The following ADK variants were observed in gnomAD, a reference collection of about 807,000 sequenced individuals.
ADK encodes the protein adenosine kinase.
Under a neutral mutation model 44.7 loss-of-function variants are expected in ADK, and 24 were observed. The ratio of observed to expected loss-of-function variants is 0.54; its 90% confidence interval spans 0.39 to 0.76. ADK has a LOEUF of 0.76. Ranked by LOEUF, ADK falls within the 30% of genes least tolerant of loss-of-function variation. The pLI is 0.00. For missense variants in ADK, 321 were observed against 425.1 expected (o/e 0.76, Z 2.15); for synonymous variants, 128 against 142.6 (o/e 0.90, Z 0.73).
chr10:74,521,071 T>C (rs922585512), intron 6 of ADK, among the ~76,000 whole-genome samples: 4 of 152,168 alleles, frequency 2.6e-5, no homozygotes, highest in Non-Finnish European at 4.4e-5. Flanking sequence ...ATGGCACTGT[T>C]TTTATTTTTG....
intron 9 of ADK, among the ~76,000 whole-genome samples, chr10:74,664,447 G>A (rs1854873611): frequency 6.6e-6 from 1 of 152,158 alleles, no homozygotes; most frequent in South Asian, 2.1e-4. Context: ...CAGAGATGAG[G>A]AGAGGGAGAT....
chr10:74,655,579 G>T (rs1235609869), intron 9 of ADK: 6 of 475,108 alleles, frequency 1.3e-5, no homozygotes, highest in Non-Finnish European at 1.7e-5. Flanking sequence ...AAGAGGTGGG[G>T]GTACCTACTG....
chr10:74,586,812 C>T (rs1395267805), intron 7 of ADK, among the ~76,000 whole-genome samples: 1 of 151,178 alleles, frequency 6.6e-6, no homozygotes, highest in Non-Finnish European at 1.5e-5. Context: ...TGAGATCGCA[C>T]CACTGCACTC....
intron 6 of ADK, among the ~76,000 whole-genome samples, chr10:74,497,483 A>G (rs1300004513): frequency 6.6e-6 from 1 of 152,132 alleles, no homozygotes; most frequent in Non-Finnish European, 1.5e-5. Flanking sequence ...CTCTCTCTTC[A>G]TTATAAGCAG....
intron 7 of ADK, among the ~76,000 whole-genome samples, chr10:74,535,550 T>C (rs1343877667): frequency 1.3e-5 from 2 of 151,756 alleles, no homozygotes; most frequent in East Asian, 3.9e-4. Flanking sequence ...AGAATGTCAG[T>C]CTGTAGGCAT....
chr10:74,627,893 T>C (rs1457911469), intron 9 of ADK, among the ~76,000 whole-genome samples: 1 of 152,214 alleles, frequency 6.6e-6, no homozygotes, highest in Non-Finnish European at 1.5e-5. Context: ...TGCCTTGGCC[T>C]ACCAAAGTGC....
intron 9 of ADK, among the ~76,000 whole-genome samples, chr10:74,612,436 A>G (rs1349227110): frequency 6.6e-6 from 1 of 152,034 alleles, no homozygotes; most frequent in Non-Finnish European, 1.5e-5. Context: ...TCTTATTTTG[A>G]GAAGCATTTG....
chr10:74,671,038 T>TAAA (rs10670267), intron 10 of ADK, among the ~76,000 whole-genome samples: 3 of 99,102 alleles, frequency 3.0e-5, no homozygotes, highest in Admixed American at 1.3e-4. Flanking sequence ...CAGGTTAATT[T>TAAA]AAAAAAAAAA....
At chr10:74,568,893 A>G (rs1424801769) in intron 7 of ADK, among the ~76,000 whole-genome samples, 2 of 151,942 alleles carry the variant, frequency 1.3e-5, no homozygotes, top group Non-Finnish European at 2.9e-5. Flanking sequence ...GTCATTTAAC[A>G]TTAGGTATAT....
chr10:74,431,684 T>C (rs1398099655), intron 6 of ADK, among the ~76,000 whole-genome samples: 1 of 152,074 alleles, frequency 6.6e-6, no homozygotes, highest in Non-Finnish European at 1.5e-5. Context: ...GAGGTTGCAG[T>C]GAGCCTAGAT....
At chr10:74,437,544 T>C (rs980785339) in intron 6 of ADK, among the ~76,000 whole-genome samples, 5 of 152,142 alleles carry the variant, frequency 3.3e-5, no homozygotes, top group African/African-American at 1.2e-4. Flanking sequence ...CTTCAATAAG[T>C]CCCTATCTTT....
intron 10 of ADK, among the ~76,000 whole-genome samples, chr10:74,697,084 T>C (rs1856236247): frequency 6.6e-6 from 1 of 152,208 alleles, no homozygotes; most frequent in African/African-American, 2.4e-5. Context: ...CCAAAAACTT[T>C]AAAATGTTTA....
chr10:74,544,625 C>G (rs1849760299), intron 7 of ADK, among the ~76,000 whole-genome samples: 1 of 152,006 alleles, frequency 6.6e-6, no homozygotes, highest in Non-Finnish European at 1.5e-5. Flanking sequence ...ACTTGTAATC[C>G]CAGCATTTTG....
intron 4 of ADK, among the ~76,000 whole-genome samples, chr10:74,354,976 C>T (rs1416035064): frequency 1.3e-5 from 2 of 152,172 alleles, no homozygotes; most frequent in Admixed American, 6.5e-5. Flanking sequence ...AGTAAAACTT[C>T]ATTACAAATA....
intron 2 of ADK, among the ~76,000 whole-genome samples, chr10:74,215,030 G>A (rs893723182): frequency 1.3e-5 from 2 of 152,004 alleles, no homozygotes; most frequent in African/African-American, 4.8e-5. Flanking sequence ...TGTTCTCTTT[G>A]TAGGGGCTAG....
intron 1 of ADK, among the ~76,000 whole-genome samples, chr10:74,200,485 C>CA (rs78504019): frequency 0.03 from 2,827 of 93,876 alleles, 62 homozygotes; most frequent in Non-Finnish European, 0.036. Flanking sequence ...ACTCCGTGTC[C>CA]AAAAAAAAAA....
At chr10:74,174,923 G>A (rs1842279667) in intron 1 of ADK, among the ~76,000 whole-genome samples, 1 of 152,146 alleles carries the variant, frequency 6.6e-6, no homozygotes, top group Non-Finnish European at 1.5e-5. Flanking sequence ...GTGTTTTATG[G>A]CTAGCAAGAA....
chr10:74,186,124 C>T (rs1842751831), intron 1 of ADK, among the ~76,000 whole-genome samples: 1 of 152,024 alleles, frequency 6.6e-6, no homozygotes, highest in Non-Finnish European at 1.5e-5. Context: ...GCTGGGATTA[C>T]AGGCGTTAGC....
chr10:74,163,035 T>C (rs112299409), intron 1 of ADK, among the ~76,000 whole-genome samples: 5,810 of 152,096 alleles, frequency 0.038, 411 homozygotes, highest in African/African-American at 0.13. Flanking sequence ...TGGCATGATC[T>C]CGGCTCACTG....
Sources: gnomAD v4.1 joint callset for allele counts (sites outside exome capture counted in the v4.1 genomes callset) on GRCh38, gnomAD v4.1.1 for gene constraint, MANE v1.5 for transcripts, NCBI Gene and HGNC (gene_info 2026-07-23, HGNC 2026-07-21) for gene names.